GLRA3: variants seen among roughly 807,000 people sequenced by gnomAD.
GLRA3 encodes the protein glycine receptor alpha 3.
In GLRA3, 44 loss-of-function variants were observed where a neutral mutation model predicts 60.4. The ratio of observed to expected loss-of-function variants is 0.73; its 90% CI spans 0.57 to 0.94. The LOEUF is 0.94. Among genes scored for constraint, GLRA3 ranks in the 40% least tolerant of loss-of-function variants. The pLI is 0.00. For missense variants in GLRA3, 508 were observed against 564.6 expected (o/e 0.90, Z 1.02); for synonymous variants, 223 against 192.9 (o/e 1.16, Z -1.29).
intron 1 of GLRA3, among the ~76,000 whole-genome samples, chr4:174,796,488 T>A (rs1739573473): frequency 6.6e-6 from 1 of 152,176 alleles, no homozygotes; most frequent in African/African-American, 2.4e-5. Flanking sequence ...TTGGCAAATT[T>A]ACATTGAGTT....
intron 2 of GLRA3, among the ~76,000 whole-genome samples, chr4:174,776,842 A>C (rs1244797554): frequency 6.6e-6 from 1 of 152,226 alleles, no homozygotes; most frequent in South Asian, 2.1e-4. Flanking sequence ...CAACGTCCAC[A>C]ACTTCGCATT....
chr4:174,759,864 C>T (rs868807983), intron 3 of GLRA3, among the ~76,000 whole-genome samples: 15 of 152,120 alleles, frequency 9.9e-5, no homozygotes, highest in Admixed American at 6.5e-4. Flanking sequence ...CTGTACAAAA[C>T]TCCAAGGGGA....
chr4:174,766,645 T>C (rs1339795815), intron 3 of GLRA3, among the ~76,000 whole-genome samples: 5 of 152,146 alleles, frequency 3.3e-5, no homozygotes, highest in Non-Finnish European at 7.4e-5. Flanking sequence ...TATTTACTAC[T>C]CTGCTTATGT....
intron 1 of GLRA3, among the ~76,000 whole-genome samples, chr4:174,817,192 A>G (rs1440412621): frequency 6.6e-6 from 1 of 152,172 alleles, no homozygotes; most frequent in Non-Finnish European, 1.5e-5. Flanking sequence ...AAACTGCAAA[A>G]TCTTTAACAT....
intron 9 of GLRA3, among the ~76,000 whole-genome samples, chr4:174,645,807 T>C (rs1268044602): frequency 6.6e-6 from 1 of 152,194 alleles, no homozygotes; most frequent in African/African-American, 2.4e-5. Flanking sequence ...TACCATTTCT[T>C]TGGCGTCCAT....
chr4:174,788,047 A>G (rs1054594138), intron 2 of GLRA3, among the ~76,000 whole-genome samples: 1 of 151,914 alleles, frequency 6.6e-6, no homozygotes, highest in Non-Finnish European at 1.5e-5. Flanking sequence ...ACTGAATCCC[A>G]TGAAAAAAGT....
intron 1 of GLRA3, among the ~76,000 whole-genome samples, chr4:174,822,023 A>G (rs1740759971): frequency 6.6e-6 from 1 of 152,182 alleles, no homozygotes; most frequent in Admixed American, 6.5e-5. Flanking sequence ...TGGAGGTAAA[A>G]CAAAGACCAG....
At chr4:174,811,339 C>T (rs1228984655) in intron 1 of GLRA3, among the ~76,000 whole-genome samples, 2 of 152,044 alleles carry the variant, frequency 1.3e-5, no homozygotes, top group African/African-American at 4.8e-5. Context: ...GCAGATGTTA[C>T]CTTTTCTTTA....
chr4:174,712,904 T>C (rs1182417842), intron 5 of GLRA3: 2 of 147,772 alleles, frequency 1.4e-5, no homozygotes, highest in Admixed American at 6.8e-5. Flanking sequence ...TACACACACA[T>C]ATATGCATAT....
intron 2 of GLRA3, among the ~76,000 whole-genome samples, chr4:174,784,528 T>C (rs1739041773): frequency 1.3e-5 from 2 of 151,230 alleles, no homozygotes. Flanking sequence ...CATCAAAACT[T>C]AGATGCAAAT....
intron 4 of GLRA3, among the ~76,000 whole-genome samples, chr4:174,723,718 G>T (rs1388089747): frequency 6.6e-6 from 1 of 151,880 alleles, no homozygotes; most frequent in Non-Finnish European, 1.5e-5. Flanking sequence ...TAACTTAGCA[G>T]GAAAGAATGA....
intron 3 of GLRA3, among the ~76,000 whole-genome samples, chr4:174,741,957 A>G (rs1737043834): frequency 6.6e-6 from 1 of 152,186 alleles, no homozygotes; most frequent in South Asian, 2.1e-4. Flanking sequence ...GAATCCAAAT[A>G]TATAAAATGT....
intron 5 of GLRA3, among the ~76,000 whole-genome samples, chr4:174,683,146 G>A (rs532655462): frequency 6.6e-6 from 1 of 151,976 alleles, no homozygotes; most frequent in African/African-American, 2.4e-5. Context: ...AATAATATGA[G>A]AAAACAAAAT....
chr4:174,776,998 GGAAAGGA>G (rs1307863822), intron 2 of GLRA3, among the ~76,000 whole-genome samples: 4 of 152,118 alleles, frequency 2.6e-5, no homozygotes, highest in African/African-American at 4.8e-5. Flanking sequence ...TAATGTAGAG[GGAAAGGA>G]GAAAGGAGAG....
Position 174,766,996 on chromosome 4 carries a change from G to A in GLRA3, c.234C>T (p.Ile78=). Reference sequence around the variant, plus strand: ...TCTCTGCGATAGAGCCAAAGCTGTTGATGAATATGTTGCATGTGACATTAA... The same window carrying A: ...TCTCTGCGATAGAGCCAAAGCTGTTAATGAATATGTTGCATGTGACATTAA... ...PPVNVTCNIF[I]NSFGSIAETT... The change falls in exon 3 of 10, where the codon ATC becomes ATT. Residue 78 remains isoleucine, a synonymous_variant. Transcript: ENST00000274093. 1 of 1,602,838 alleles carries A rather than the reference G, an allele frequency of 6.2e-7. No individual in the cohort carries two copies. The highest frequency in any genetic ancestry group is 8.5e-7 in the Non-Finnish European group (1 of 1,171,070).
At chr4:174,659,026 G>T (rs769288436) in intron 8 of GLRA3, 28 bp downstream of exon 8, 2 of 1,593,184 alleles carry the variant, frequency 1.3e-6, no homozygotes, top group Non-Finnish European at 1.7e-6. Flanking sequence ...ACTGGATTCT[G>T]CCAAACCCAA....
At position 174,648,325 on chromosome 4, in the gene GLRA3, G is replaced by A. The variant is rs188800657; in HGVS notation, c.1117-4261C>T. ...AAAATACAAAAAAAATTAGCCAGGC[G>A]TGGTGGTACATGCCTATAATCCCAG... On this transcript the variant is annotated intron_variant, in intron 9 of 9. Transcript: ENST00000274093. Among the ~76,000 whole-genome samples the A allele has an allele frequency of 9.1e-3, 1,389 of 152,244 alleles. 8 individuals carry two copies. The highest frequency in any genetic ancestry group is 0.021 in the Admixed American group (320 of 15,284).
intron 7 of GLRA3, among the ~76,000 whole-genome samples, chr4:174,672,774 T>A (rs1043600069): frequency 2.0e-5 from 3 of 152,158 alleles, no homozygotes; most frequent in African/African-American, 7.2e-5. Flanking sequence ...ATAATTGCGA[T>A]GTAACTGGAT....
chr4:174,763,713 C>T (rs1738026921), intron 3 of GLRA3, among the ~76,000 whole-genome samples: 1 of 152,144 alleles, frequency 6.6e-6, no homozygotes, highest in Admixed American at 6.6e-5. Flanking sequence ...GAAATAATCA[C>T]GTGCTTCTTT....
Sources: gnomAD v4.1 joint callset for allele counts (sites outside exome capture counted in the v4.1 genomes callset) on GRCh38, gnomAD v4.1.1 for gene constraint, MANE v1.5 for transcripts, NCBI Gene and HGNC (gene_info 2026-07-23, HGNC 2026-07-21) for gene names.